The following MICU3 variants were observed in gnomAD, a reference collection of about 807,000 sequenced individuals.
MICU3 encodes calcium uptake protein 3, mitochondrial.
In MICU3, 62 loss-of-function variants were observed where a neutral mutation model predicts 66.5. The observed-to-expected ratio is 0.93, with a 90% CI of 0.76 to 1.15. The LOEUF is 1.15. MICU3 is among the 50% of genes most tolerant of loss of function. The pLI is 0.00. For synonymous variants in MICU3, 308 were observed against 240.7 expected (o/e 1.28, Z -2.59); for missense variants, 779 against 664.4 (o/e 1.17, Z -1.90).
chr8:17,046,493 T>C (rs995405533), intron 1 of MICU3, among the ~76,000 whole-genome samples: 1 of 152,184 alleles, frequency 6.6e-6, no homozygotes, highest in Non-Finnish European at 1.5e-5. Flanking sequence ...TAAAAATCTT[T>C]TAAATGTAAC....
At chr8:17,035,107 C>G (rs547218852) in intron 1 of MICU3, among the ~76,000 whole-genome samples, 4 of 152,180 alleles carry the variant, frequency 2.6e-5, no homozygotes, top group Non-Finnish European at 4.4e-5. Context: ...ACTGTCTTTC[C>G]TGCCGCCATG....
rs764543325 is a variant in MICU3, at chr8:17,085,195, T to C, written c.695-41T>C. ...TATGGATTTTGTACTTTAAAATACA[T>C]TTTTCCATTTTGTGAATACCTTCTC... On this transcript the variant is annotated intron_variant, in intron 5 of 14. Transcript: ENST00000318063. The C allele has an allele frequency of 3.6e-6, 5 of 1,372,540 alleles. No individual in the cohort carries two copies. In the South Asian group the frequency reaches 6.1e-5, roughly 17 times the overall value. The allele number at this position is 1,372,540 out of a possible 1,614,324, so 85.0% of individuals were successfully genotyped here.
chr8:17,083,452 G>A (rs372657754), intron 5 of MICU3, among the ~76,000 whole-genome samples: 3 of 152,134 alleles, frequency 2.0e-5, no homozygotes, highest in South Asian at 4.1e-4. Context: ...GGTTTGTTAC[G>A]GGAAAGAGCG....
Position 17,027,402 on chromosome 8 carries a change from G to A in MICU3, c.123G>A (p.Arg41=), listed in dbSNP as rs1811171770. 3 of 1,427,376 alleles carry A rather than the reference G, an allele frequency of 2.1e-6. No individual in the cohort carries two copies. The highest frequency in any genetic ancestry group is 2.7e-6 in the Non-Finnish European group (3 of 1,098,670). The allele number at this position is 1,427,376 out of a possible 1,614,324, so 88.4% of individuals were successfully genotyped here. The change falls in exon 1 of 15, where the codon CGG becomes CGA. Residue 41 remains arginine (R), a synonymous_variant. Coordinates refer to ENST00000318063, the MANE Select transcript of MICU3 (RefSeq NM_181723.3). The stretch of plus-strand genomic sequence containing the variant: ...TGACCACCCTGGGCCTTCCTGGCCG[G>A]CCCTTCTCCTCCCGAGAGGATGAGG... ...PAVTTLGLPG[R]PFSSREDEER...
intron 1 of MICU3, among the ~76,000 whole-genome samples, chr8:17,060,131 A>G (rs1817589172): frequency 6.6e-6 from 1 of 152,216 alleles, no homozygotes; most frequent in South Asian, 2.1e-4. Flanking sequence ...ATAAGTTTGT[A>G]GAAGAGAACA....
intron 2 of MICU3, among the ~76,000 whole-genome samples, chr8:17,066,540 TAGA>T (rs1563321350): frequency 2.7e-5 from 3 of 111,108 alleles, no homozygotes; most frequent in African/African-American, 1.2e-4. Flanking sequence ...TATATATATA[TAGA>T]TTTTTTTTTT....
chr8:17,104,686 C>G lies in MICU3; in HGVS notation c.1085+195C>G, dbSNP rs1450440134. Among the ~76,000 whole-genome samples, 5 of 151,910 alleles carry G rather than the reference C, an allele frequency of 3.3e-5. No individual in the cohort carries two copies. The East Asian group carries it at 9.7e-4, about 29-fold the overall frequency. On this transcript the variant is annotated intron_variant, in intron 10 of 14. Transcript: ENST00000318063. The stretch of plus-strand genomic sequence containing the variant: ...TATTGATAATTATAACAGGAAGTTA[C>G]TGAATTTTTTTAAAAATTCCAGATA...
Position 17,082,369 on chromosome 8 carries a change from T to A in MICU3, c.694+629T>A, listed in dbSNP as rs149745636. ...CTCAAGATCCCCGTGATAATAAACA[T>A]CATTTAGGTTTCCTTTCAAATGTGA... On this transcript the variant is annotated intron_variant, in intron 5 of 14. Coordinates refer to ENST00000318063, the MANE Select transcript of MICU3 (RefSeq NM_181723.3). 1.2e-3 allele frequency among the ~76,000 whole-genome samples: 180 copies of A among 152,244 alleles called. 1 individual carries two copies. The highest frequency in any genetic ancestry group is 7.9e-3 in the Admixed American group (121 of 15,288).
chr8:17,136,695 G>A, the MICU3 span, among the ~76,000 whole-genome samples: 1 of 152,144 alleles, frequency 6.6e-6, no homozygotes, highest in African/African-American at 2.4e-5. Context: ...CTGGGTGCAG[G>A]TATAGATAGG....
chr8:17,129,079 C>G, the MICU3 span, among the ~76,000 whole-genome samples: 9 of 152,102 alleles, frequency 5.9e-5, no homozygotes, highest in Non-Finnish European at 1.2e-4. Flanking sequence ...AGGGGTAAGG[C>G]TACTGTACCT....
chr8:17,062,896 T>C (rs1438795037), intron 1 of MICU3, among the ~76,000 whole-genome samples: 1 of 151,656 alleles, frequency 6.6e-6, no homozygotes, highest in Non-Finnish European at 1.5e-5. Flanking sequence ...AAAAAAGAAC[T>C]TATCCTGAAG....
At chr8:17,036,245 C>T (rs1812961614) in intron 1 of MICU3, among the ~76,000 whole-genome samples, 1 of 151,998 alleles carries the variant, frequency 6.6e-6, no homozygotes, top group African/African-American at 2.4e-5. Flanking sequence ...TGCCGGTGGG[C>T]TCGTGGTCTT....
intron 8 of MICU3, among the ~76,000 whole-genome samples, chr8:17,097,695 T>G (rs1427067770): frequency 1.3e-5 from 2 of 151,736 alleles, no homozygotes; most frequent in Non-Finnish European, 3.0e-5. Flanking sequence ...AAATCTTCCC[T>G]GATAAATCCT....
intron 1 of MICU3, among the ~76,000 whole-genome samples, chr8:17,055,251 G>C (rs112718251): frequency 9.0e-4 from 134 of 148,476 alleles, no homozygotes; most frequent in African/African-American, 3.4e-3. Flanking sequence ...CAGCAGTTTA[G>C]TGTTTCCTGA....
At chr8:17,090,609 T>C (rs776336690) in intron 8 of MICU3, 25 bp downstream of exon 8, 11 of 1,549,104 alleles carry the variant, frequency 7.1e-6, no homozygotes, top group Non-Finnish European at 9.8e-6. Flanking sequence ...TTAAATGTTC[T>C]TTATGTATAT....
intron 11 of MICU3, among the ~76,000 whole-genome samples, chr8:17,111,968 G>A (rs1802239876): frequency 1.3e-5 from 2 of 152,166 alleles, no homozygotes; most frequent in Non-Finnish European, 2.9e-5. Context: ...TCACAAGGCA[G>A]CAGGAGAGAA....
intron 1 of MICU3, among the ~76,000 whole-genome samples, chr8:17,043,413 T>C (rs1814539967): frequency 6.6e-6 from 1 of 152,238 alleles, no homozygotes; most frequent in South Asian, 2.1e-4. Flanking sequence ...AGGTTACTTG[T>C]AATTGTCCAT....
At chr8:17,082,396 A>C (rs1291105684) in intron 5 of MICU3, among the ~76,000 whole-genome samples, 2 of 152,100 alleles carry the variant, frequency 1.3e-5, no homozygotes, top group Non-Finnish European at 2.9e-5. Flanking sequence ...CAAATGTGAA[A>C]ATTTAGCAAA....
At chr8:17,124,006 C>A (rs1803337982), downstream of MICU3, among the ~76,000 whole-genome samples, 2 of 147,664 alleles carry the variant, frequency 1.4e-5, no homozygotes, top group South Asian at 4.3e-4. Context: ...CAATCACTTT[C>A]AAATCTTTTG....
Sources: gnomAD v4.1 joint callset for allele counts (sites outside exome capture counted in the v4.1 genomes callset) on GRCh38, gnomAD v4.1.1 for gene constraint, MANE v1.5 for transcripts, NCBI Gene and HGNC (gene_info 2026-07-23, HGNC 2026-07-21) for gene names.